The following MALRD1 variants were observed in gnomAD, a reference collection of about 807,000 sequenced individuals.
The protein encoded by MALRD1 is MAM and LDL receptor class A domain containing 1.
In MALRD1, 247 loss-of-function variants were observed where a neutral mutation model predicts 242.1. The ratio of observed to expected loss-of-function variants is 1.02; its 90% CI spans 0.92 to 1.13. The LOEUF is 1.13. Among genes scored for constraint, MALRD1 ranks in the 50% most tolerant of loss-of-function variants. MALRD1 has a pLI of 0.00. For missense variants in MALRD1, 2,989 were observed against 2,533.1 expected (o/e 1.18, Z -3.86); for synonymous variants, 995 against 866.6 (o/e 1.15, Z -2.60).
chr10:19,274,794 G>A (rs1840425692), intron 19 of MALRD1, among the ~76,000 whole-genome samples: 1 of 152,140 alleles, frequency 6.6e-6, no homozygotes, highest in South Asian at 2.1e-4. Context: ...AGAAACAAAT[G>A]TAGAAAGGTG....
chr10:19,702,287 A>G (rs1405499515), intron 38 of MALRD1, among the ~76,000 whole-genome samples: 3 of 152,078 alleles, frequency 2.0e-5, no homozygotes, highest in Non-Finnish European at 4.4e-5. Context: ...ATTCTTCCAC[A>G]CCCTACTCTT....
chr10:19,579,914 T>G (rs1837022586), intron 33 of MALRD1, among the ~76,000 whole-genome samples: 1 of 152,190 alleles, frequency 6.6e-6, no homozygotes, highest in South Asian at 2.1e-4. Flanking sequence ...TTAAATAAAC[T>G]TTGCAGTCAA....
intron 2 of MALRD1, among the ~76,000 whole-genome samples, chr10:19,071,596 C>T (rs937879234): frequency 1.3e-5 from 2 of 152,044 alleles, no homozygotes; most frequent in Non-Finnish European, 2.9e-5. Context: ...GTTTTTCTAA[C>T]GTAATCATTA....
chr10:19,450,247 C>A, intron 28 of MALRD1, 60 bp from the exon 29 acceptor site: 1 of 1,420,134 alleles, frequency 7.0e-7, no homozygotes, highest in African/African-American at 1.4e-5. Flanking sequence ...TTTTGCCCCA[C>A]ACTGCATCAT....
At chr10:19,228,877 A>T (rs922861463) in intron 18 of MALRD1, among the ~76,000 whole-genome samples, 4 of 152,106 alleles carry the variant, frequency 2.6e-5, no homozygotes, top group Non-Finnish European at 4.4e-5. Flanking sequence ...TAGTTTTGCA[A>T]CATTTTTGGT....
In MALRD1 at chr10:19,146,238, T is replaced by C. The variant is rs139474079; in HGVS notation, c.1452T>C (p.Gly484=). Residue 484 remains glycine, a synonymous_variant, in exon 11 of 40, where the codon GGT becomes GGC. Coordinates refer to ENST00000454679, the MANE Select transcript of MALRD1 (RefSeq NM_001142308.3). ...LTCDFESGFC[G]WEPFLTEDSH... ...GTGACTTTGAGTCGGGTTTCTGCGG[T>C]TGGGAGCCATTTCTCACAGAAGATT... is the stretch of plus-strand genomic sequence containing the variant. The C allele has an allele frequency of 6.7e-5, 82 of 1,231,646 alleles. No homozygotes were observed. The African/African-American group carries it at 1.2e-3, about 17-fold the overall frequency. 76.3% of individuals were successfully genotyped at this position (1,231,646 alleles called of 1,614,324 possible). A position where few individuals can be genotyped will look rare whatever the true frequency, so the allele number is the denominator to read the frequency against.
intron 28 of MALRD1, among the ~76,000 whole-genome samples, chr10:19,408,886 CAAAT>C (rs1270604179): frequency 6.6e-6 from 1 of 152,260 alleles, no homozygotes; most frequent in African/African-American, 2.4e-5. Context: ...TTCTCAAAAA[CAAAT>C]AAACCAAAAA....
chr10:19,054,110 TA>T (rs1412867983), intron 1 of MALRD1, among the ~76,000 whole-genome samples: 2 of 152,116 alleles, frequency 1.3e-5, no homozygotes, highest in Admixed American at 1.3e-4. Flanking sequence ...GTAATTTTTT[TA>T]AAAAAATTTT....
At chr10:19,539,911 C>T (rs539674846) in intron 32 of MALRD1, among the ~76,000 whole-genome samples, 2,600 of 37,002 alleles carry the variant, frequency 0.07, 61 homozygotes, top group East Asian at 0.28. Context: ...CGCGCGCGTG[C>T]GCGCACACAC....
At chr10:19,219,514 G>A (rs1270831104) in intron 18 of MALRD1, among the ~76,000 whole-genome samples, 1 of 151,954 alleles carries the variant, frequency 6.6e-6, no homozygotes, top group African/African-American at 2.4e-5. Flanking sequence ...ATAGTTCACT[G>A]CAACCTCAAA....
At chr10:19,529,870 A>G (rs1834275013) in intron 31 of MALRD1, among the ~76,000 whole-genome samples, 1 of 152,090 alleles carries the variant, frequency 6.6e-6, no homozygotes, top group Non-Finnish European at 1.5e-5. Flanking sequence ...AAGAAACATT[A>G]CATAACATTA....
intron 26 of MALRD1, among the ~76,000 whole-genome samples, chr10:19,375,273 T>C (rs561285023): frequency 4.6e-5 from 7 of 152,276 alleles, no homozygotes; most frequent in African/African-American, 1.4e-4. Context: ...ATAATGTTTC[T>C]CAATACATGC....
chr10:19,082,534 A>G (rs768849664), intron 2 of MALRD1, among the ~76,000 whole-genome samples: 15 of 152,046 alleles, frequency 9.9e-5, no homozygotes, highest in African/African-American at 1.9e-4. Context: ...AACATTTGAC[A>G]TAGCTGATTT....
chr10:19,137,327 C>A (rs572884488), intron 10 of MALRD1, among the ~76,000 whole-genome samples: 41 of 152,070 alleles, frequency 2.7e-4, no homozygotes, highest in African/African-American at 9.9e-4. Flanking sequence ...TTCAGCCAGC[C>A]GGGTGCAATG....
At chr10:19,102,118 TA>T (rs1836287910) in intron 4 of MALRD1, among the ~76,000 whole-genome samples, 1 of 145,650 alleles carries the variant, frequency 6.9e-6, no homozygotes, top group South Asian at 2.2e-4. Context: ...ATATATGATA[TA>T]AATTATATAA....
At chr10:19,702,730 G>C (rs1044769586) in intron 38 of MALRD1, among the ~76,000 whole-genome samples, 1 of 152,160 alleles carries the variant, frequency 6.6e-6, no homozygotes, top group African/African-American at 2.4e-5. Context: ...GTTTGGGCAA[G>C]AGATGGCTAA....
chr10:19,137,757 G>C (rs1833401377), intron 10 of MALRD1, among the ~76,000 whole-genome samples: 2 of 152,018 alleles, frequency 1.3e-5, no homozygotes, highest in African/African-American at 4.8e-5. Flanking sequence ...TTCAAGCATA[G>C]TCATAGTTCA....
intron 18 of MALRD1, among the ~76,000 whole-genome samples, chr10:19,256,439 A>G (rs1839515158): frequency 6.6e-6 from 1 of 152,086 alleles, no homozygotes; most frequent in Admixed American, 6.6e-5. Context: ...TTCTCTGCCT[A>G]TAATGCCTTT....
chr10:19,635,749 T>C (rs1840100119), intron 36 of MALRD1, among the ~76,000 whole-genome samples: 1 of 152,082 alleles, frequency 6.6e-6, no homozygotes, highest in South Asian at 2.1e-4. Flanking sequence ...TTGCATAAAA[T>C]AACCTCAAAA....
Sources: gnomAD v4.1 joint callset for allele counts (sites outside exome capture counted in the v4.1 genomes callset) on GRCh38, gnomAD v4.1.1 for gene constraint, MANE v1.5 for transcripts, NCBI Gene and HGNC (gene_info 2026-07-23, HGNC 2026-07-21) for gene names.